Variants in TBC1D19 observed in about 807,000 individuals in gnomAD.
TBC1D19 encodes TBC1 domain family member 19, also known as TBC1 domain family, member 19.
In TBC1D19, 60 loss-of-function variants were observed where a neutral mutation model predicts 89.0. The ratio of observed to expected loss-of-function variants is 0.67; its 90% CI spans 0.55 to 0.84. The LOEUF is 0.84. Ranked by LOEUF, TBC1D19 falls within the 40% of genes least tolerant of loss-of-function variation. The probability of loss-of-function intolerance (pLI) is 0.00; values close to 1 mark genes in which losing one functional copy is unlikely to be tolerated. For missense variants in TBC1D19, 500 were observed against 610.8 expected (o/e 0.82, Z 1.91); for synonymous variants, 189 against 199.7 (o/e 0.95, Z 0.45).
chr4:26,815,339 C>A, the TBC1D19 span, among the ~76,000 whole-genome samples: 5 of 152,170 alleles, frequency 3.3e-5, no homozygotes, highest in African/African-American at 9.7e-5. Flanking sequence ...ATGGGTGTTC[C>A]CCATAGAAGA....
the TBC1D19 span, among the ~76,000 whole-genome samples, chr4:26,776,056 G>A: frequency 6.6e-6 from 1 of 152,074 alleles, no homozygotes; most frequent in East Asian, 1.9e-4. Flanking sequence ...ATGACAAGAT[G>A]TTCCAAGTTT....
At chr4:26,579,197 A>G (rs542995544), upstream of TBC1D19, among the ~76,000 whole-genome samples, 16 of 152,366 alleles carry the variant, frequency 1.1e-4, 1 homozygote, top group South Asian at 3.1e-3. Flanking sequence ...TGGCCCAAAT[A>G]TCATTCACAG....
intron 1 of TBC1D19, among the ~76,000 whole-genome samples, chr4:26,596,455 C>CGTGTGTGTGTGT (rs35226421): frequency 1.4e-5 from 2 of 145,006 alleles, no homozygotes; most frequent in African/African-American, 5.0e-5. Context: ...AATGGTAACT[C>CGTGTGTGTGTGT]GTGTGTGTGT....
intron 11 of TBC1D19, among the ~76,000 whole-genome samples, chr4:26,680,678 C>T (rs1299776434): frequency 6.6e-6 from 1 of 152,108 alleles, no homozygotes; most frequent in East Asian, 1.9e-4. Flanking sequence ...CTACAACTAC[C>T]CTAATTAAAG....
chr4:26,735,090 ACACATG>A (rs1445883126), intron 15 of TBC1D19, among the ~76,000 whole-genome samples: 3 of 151,072 alleles, frequency 2.0e-5, no homozygotes, highest in African/African-American at 7.3e-5. Context: ...ATATATGTAT[ACACATG>A]TATATATGTA....
intron 18 of TBC1D19, among the ~76,000 whole-genome samples, chr4:26,745,584 T>C: frequency 7.5e-6 from 1 of 133,808 alleles, no homozygotes; most frequent in Admixed American, 8.6e-5. Flanking sequence ...CTTGGCTCAC[T>C]GCAACCTCAC....
intron 15 of TBC1D19, among the ~76,000 whole-genome samples, chr4:26,734,927 T>C (rs545049617): frequency 5.4e-5 from 8 of 146,862 alleles, no homozygotes; most frequent in African/African-American, 1.6e-4. Flanking sequence ...TACATACACA[T>C]ATATGTGTGT....
At chr4:26,814,113 G>C in the TBC1D19 span, among the ~76,000 whole-genome samples, 1 of 152,060 alleles carries the variant, frequency 6.6e-6, no homozygotes, top group Non-Finnish European at 1.5e-5. Context: ...CCCTCCATTT[G>C]AGCCTCTCCA....
the TBC1D19 span, among the ~76,000 whole-genome samples, chr4:26,780,544 CT>C: frequency 6.6e-6 from 1 of 152,196 alleles, no homozygotes; most frequent in Non-Finnish European, 1.5e-5. Context: ...CAAGGAAAAA[CT>C]TCATTTCCCA....
intron 7 of TBC1D19, among the ~76,000 whole-genome samples, chr4:26,650,745 T>C (rs1744306064): frequency 6.6e-6 from 1 of 152,232 alleles, no homozygotes; most frequent in South Asian, 2.1e-4. Context: ...ATTTTGGCTT[T>C]TGTTGCCATT....
chr4:26,693,824 A>G (rs1714516199), intron 13 of TBC1D19, among the ~76,000 whole-genome samples: 1 of 152,228 alleles, frequency 6.6e-6, no homozygotes, highest in Non-Finnish European at 1.5e-5. Context: ...AATAATTGAA[A>G]TGAAAATTTT....
chr4:26,820,940 C>T, the TBC1D19 span, among the ~76,000 whole-genome samples: 3 of 152,204 alleles, frequency 2.0e-5, no homozygotes, highest in Admixed American at 2.0e-4. Flanking sequence ...AGAACATCAC[C>T]TGGAATACAG....
the TBC1D19 span, among the ~76,000 whole-genome samples, chr4:26,799,261 T>C: frequency 1.3e-5 from 2 of 152,086 alleles, no homozygotes; most frequent in Admixed American, 6.6e-5. Flanking sequence ...GGAGGATCAT[T>C]TGAGCCTGGG....
intron 8 of TBC1D19, among the ~76,000 whole-genome samples, chr4:26,662,009 T>A (rs1745250802): frequency 6.6e-6 from 1 of 152,230 alleles, no homozygotes. Context: ...TTTTATACTC[T>A]ACTCACAGTT....
At chr4:26,777,135 CTT>C in the TBC1D19 span, among the ~76,000 whole-genome samples, 214 of 122,676 alleles carry the variant, frequency 1.7e-3, 1 homozygote, top group Middle Eastern at 0.017. Context: ...TCTCTCTCTT[CTT>C]TTTTTTTTTT....
intron 13 of TBC1D19, among the ~76,000 whole-genome samples, chr4:26,715,787 A>G (rs1266889316): frequency 6.6e-6 from 1 of 152,040 alleles, no homozygotes; most frequent in East Asian, 1.9e-4. Context: ...GCTGAGGGCT[A>G]TTTGCTACAG....
At chr4:26,632,972 T>A (rs1187172856) in intron 4 of TBC1D19, among the ~76,000 whole-genome samples, 1 of 152,096 alleles carries the variant, frequency 6.6e-6, no homozygotes, top group Non-Finnish European at 1.5e-5. Context: ...GCTGTTGAAT[T>A]TCTCTAAAAT....
intron 1 of TBC1D19, among the ~76,000 whole-genome samples, chr4:26,593,334 T>A (rs1739958673): frequency 6.6e-6 from 1 of 152,164 alleles, no homozygotes. Flanking sequence ...ATACTAAAAT[T>A]AATTCAAGAT....
At chr4:26,757,063 G>A (rs1719294107), downstream of TBC1D19, among the ~76,000 whole-genome samples, 1 of 151,742 alleles carries the variant, frequency 6.6e-6, no homozygotes, top group Admixed American at 6.6e-5. Context: ...ACCCAGGCTG[G>A]AGTGCAGTGA....
Sources: allele counts gnomAD v4.1 joint callset (sites outside exome capture counted in the v4.1 genomes callset), GRCh38; gene constraint gnomAD v4.1.1; transcripts MANE v1.5; gene names NCBI Gene and HGNC (gene_info 2026-07-23, HGNC 2026-07-21).